Variants in NDUFAF1 observed in about 807,000 individuals in gnomAD.
NDUFAF1 encodes complex I intermediate-associated protein 30, mitochondrial.
Under a neutral mutation model 28.7 loss-of-function variants are expected in NDUFAF1, and 18 were observed. That is an observed-to-expected ratio of 0.63 (90% CI 0.43 to 0.93). NDUFAF1 has a LOEUF of 0.93. Ranked by LOEUF, NDUFAF1 falls within the 40% of genes least tolerant of loss-of-function variation. NDUFAF1 has a pLI of 0.00. For missense variants in NDUFAF1, 404 were observed against 398.3 expected (o/e 1.01, Z -0.12); for synonymous variants, 113 against 139.7 (o/e 0.81, Z 1.35).
intron 3 of NDUFAF1, among the ~76,000 whole-genome samples, chr15:41,392,020 C>T (rs942446730): frequency 1.3e-5 from 2 of 150,168 alleles, no homozygotes; most frequent in Non-Finnish European, 2.9e-5. Flanking sequence ...GACAGGGGTC[C>T]GATATTGTAG....
Position 41,396,546 on chromosome 15 carries a change from G to A in NDUFAF1, c.514C>T (p.Pro172Ser). 6.2e-7 allele frequency: 1 copy of A among 1,614,150 alleles called. No homozygotes were observed. Among genetic ancestry groups the A allele is most frequent in the South Asian group, 1.1e-5 (1 of 91,084 alleles). Residue 172 changes from proline to serine, a missense_variant, in exon 2 of 5, where the codon CCT becomes TCT. Transcript: ENST00000260361. The stretch of plus-strand genomic sequence containing the variant: ...CTTCGGGTAGACTCCCCGTCCTGAG[G>A]CGCCTCAGAGCTCAGAGTTCCATAT... ...LLYGTLSSEA[P>S]QDGESTRSGY...
chr15:41,388,509 T>G lies in NDUFAF1; in HGVS notation c.773A>C (p.Lys258Thr). 1 of 1,611,578 alleles carries G rather than the reference T, an allele frequency of 6.2e-7. No homozygotes were observed. ...TCTTCCTCGATTAGAGAAGAAAAAT[T>G]TGGAAAAAGGAATCTGAAAGAAGAA... ...YWQEVKIPFS[K>T]FFFSNRGRIR... is the part of the protein sequence containing the mutation. Residue 258 changes from lysine (K) to threonine (T), a missense_variant, in exon 4 of 5, where the codon AAA becomes ACA. Transcript: ENST00000260361.
intron 1 of NDUFAF1, among the ~76,000 whole-genome samples, chr15:41,400,228 C>T (rs551193820): frequency 1.3e-5 from 2 of 150,930 alleles, no homozygotes; most frequent in South Asian, 2.1e-4. Flanking sequence ...AAAATTAGCC[C>T]GGTGTGGTGG....
chr15:41,395,612 C>T (rs1428842850), intron 2 of NDUFAF1, among the ~76,000 whole-genome samples: 20 of 151,134 alleles, frequency 1.3e-4, no homozygotes, highest in Admixed American at 2.6e-4. Context: ...CCTGGTGATC[C>T]GCCCACCTTG....
chr15:41,401,788 T>C (rs955780592), intron 1 of NDUFAF1, among the ~76,000 whole-genome samples: 1 of 152,196 alleles, frequency 6.6e-6, no homozygotes, highest in Non-Finnish European at 1.5e-5. Flanking sequence ...TTCACATGTA[T>C]TATAAACGTT....
Position 41,396,542 on chromosome 15 carries a change from T to C in NDUFAF1, c.518A>G (p.Gln173Arg). 1 of 1,614,190 alleles carries C rather than the reference T, an allele frequency of 6.2e-7. No homozygotes were observed. The highest frequency in any genetic ancestry group is 1.3e-5 in the African/African-American group (1 of 75,066). ...LYGTLSSEAPQDGESTRSGYC... is the reference protein window; with the variant it reads ...LYGTLSSEAPRDGESTRSGYC... The stretch of plus-strand genomic sequence containing the variant: ...CCCACTTCGGGTAGACTCCCCGTCC[T>C]GAGGCGCCTCAGAGCTCAGAGTTCC... The change falls in exon 2 of 5, where the codon CAG becomes CGG. Residue 173 changes from glutamine (Q) to arginine (R), a missense_variant. By Grantham distance (43) the Gln-to-Arg change is conservative (BLOSUM62 1). Transcript: ENST00000260361.
At chr15:41,399,626 G>A (rs1463762517) in intron 1 of NDUFAF1, among the ~76,000 whole-genome samples, 7 of 151,552 alleles carry the variant, frequency 4.6e-5, no homozygotes, top group Admixed American at 1.3e-4. Context: ...AGGCGGAGGC[G>A]GGCGGATCAC....
Position 41,387,509 on chromosome 15 carries a change from G to T in NDUFAF1, c.919C>A (p.Pro307Thr), listed in dbSNP as rs201191044. 230 of 1,613,448 alleles carry T rather than the reference G, an allele frequency of 1.4e-4. No homozygotes were observed. The Admixed American group carries it at 3.8e-3, about 27-fold the overall frequency. The change falls in exon 5 of 5, where the codon CCA becomes ACA. Residue 307 changes from proline to threonine, a missense_variant. Coordinates refer to ENST00000260361, the MANE Select transcript of NDUFAF1 (RefSeq NM_016013.4). ...TAGGCAAATTCTTCTGTATGAGCTG[G>T]ATCAGTAAACACGCCAATAAAATCT... ...EIDFIGVFTD[P>T]AHTEEFAYEN...
At chr15:41,401,327 A>G (rs56660190) in intron 1 of NDUFAF1, among the ~76,000 whole-genome samples, 2,287 of 135,994 alleles carry the variant, frequency 0.017, 70 homozygotes, top group African/African-American at 0.06. Flanking sequence ...CTGGAGTGCA[A>G]TGGCACGACC....
At chr15:41,391,926 A>T (rs1034443616) in intron 3 of NDUFAF1, among the ~76,000 whole-genome samples, 3 of 152,096 alleles carry the variant, frequency 2.0e-5, no homozygotes, top group Non-Finnish European at 4.4e-5. Context: ...AGGTTGTTAA[A>T]TCTGACAGAA....
At position 41,394,975 on chromosome 15, in the gene NDUFAF1, C is replaced by G. The variant is rs866015009; in HGVS notation, c.643G>C (p.Asp215His). 1.9e-6 allele frequency: 3 copies of G among 1,614,156 alleles called. No individual in the cohort carries two copies. The highest frequency in any genetic ancestry group is 1.3e-5 in the African/African-American group (1 of 75,040). ...ATATTCACCATCCAAGGCCGACCATCCCCACGTACACGGAGATACAGAGTA... is the reference window on the plus strand; with the variant it reads ...ATATTCACCATCCAAGGCCGACCATGCCCACGTACACGGAGATACAGAGTA... ...FNTLYLRVRGDGRPWMVNIKE... is the reference protein window; with the variant it reads ...FNTLYLRVRGHGRPWMVNIKE... The change falls in exon 3 of 5, where the codon GAT (aspartate) becomes CAT (histidine). Residue 215 changes from aspartate (D) to histidine (H), a missense_variant. Asp to His is a moderately conservative substitution (Grantham distance 81). Transcript: ENST00000260361.
chr15:41,397,801 GAA>G (rs570795672), intron 1 of NDUFAF1, among the ~76,000 whole-genome samples: 15 of 101,366 alleles, frequency 1.5e-4, no homozygotes, highest in African/African-American at 2.3e-4. Flanking sequence ...TCTGTCTCGG[GAA>G]AAAAAAAAAA....
At chr15:41,395,134 G>T in intron 2 of NDUFAF1, 90 bp from the exon 3 acceptor site, 1 of 1,216,298 alleles carries the variant, frequency 8.2e-7, no homozygotes, top group Non-Finnish European at 1.2e-6. Flanking sequence ...TCAACAGGAT[G>T]CACTAACCAT....
intron 1 of NDUFAF1, among the ~76,000 whole-genome samples, chr15:41,399,671 G>A (rs575867836): frequency 5.0e-4 from 76 of 151,184 alleles, no homozygotes; most frequent in African/African-American, 1.8e-3. Context: ...CGGCTAAAAC[G>A]GTGAAACCCC....
In NDUFAF1 at chr15:41,395,027, C is replaced by G. The variant is rs2050366867; in HGVS notation, c.591G>C (p.Lys197Asn). ...TGAACTGGGACCAATCGTAAGACAT[C>G]TTCCTCTCAAAAGCACCCTAAGATA... The part of the protein sequence containing the change: ...SRIPRGAFER[K>N]MSYDWSQFNT... Residue 197 changes from lysine to asparagine, a missense_variant, in exon 3 of 5, where the codon AAG becomes AAC. Transcript: ENST00000260361. 1 of 1,614,128 alleles carries G rather than the reference C, an allele frequency of 6.2e-7. No individual in the cohort carries two copies. The highest frequency in any genetic ancestry group is 1.3e-5 in the African/African-American group (1 of 75,062).
At position 41,391,378 on chromosome 15, in the gene NDUFAF1, T is replaced by C. The variant is rs561834076; in HGVS notation, c.760-2856A>G. ...CTCAAACGCCTATAATCCCAATACC[T>C]TGGGAGGCGAGTCGGGTGGATCACT... is the stretch of plus-strand genomic sequence containing the variant. On this transcript the variant is annotated intron_variant, in intron 3 of 4. Transcript: ENST00000260361. Among the ~76,000 whole-genome samples, 142 of 152,000 alleles carry C rather than the reference T, an allele frequency of 9.3e-4. 2 individuals are homozygous for C. Among genetic ancestry groups the C allele is most frequent in the African/African-American group, 3.3e-3 (139 of 41,514 alleles).
At chr15:41,397,763 C>T (rs2050409978) in intron 1 of NDUFAF1, among the ~76,000 whole-genome samples, 1 of 144,282 alleles carries the variant, frequency 6.9e-6, no homozygotes, top group Admixed American at 7.2e-5. Context: ...CCCGCCACTA[C>T]ACTCCAGCCT....
At chr15:41,399,704 A>T (rs1198428577) in intron 1 of NDUFAF1, among the ~76,000 whole-genome samples, 1 of 149,584 alleles carries the variant, frequency 6.7e-6, no homozygotes. Context: ...AAAATACAAA[A>T]AATTAGCCGG....
At chr15:41,400,769 C>T (rs1013718558) in intron 1 of NDUFAF1, among the ~76,000 whole-genome samples, 9 of 146,970 alleles carry the variant, frequency 6.1e-5, no homozygotes, top group Non-Finnish European at 8.9e-5. Flanking sequence ...GATCTCCTGA[C>T]CACGTGATCC....
Sources: gnomAD v4.1 joint callset for allele counts (sites outside exome capture counted in the v4.1 genomes callset) on GRCh38, gnomAD v4.1.1 for gene constraint, MANE v1.5 for transcripts, NCBI Gene and HGNC (gene_info 2026-07-23, HGNC 2026-07-21) for gene names.